RNF149: variants seen among roughly 807,000 people sequenced by gnomAD.
The protein encoded by RNF149 is E3 ubiquitin-protein ligase RNF149.
A neutral mutation model predicts 39.0 loss-of-function variants in RNF149; 21 were observed. The observed-to-expected ratio is 0.54, with a 90% CI of 0.38 to 0.77. The LOEUF (loss-of-function observed/expected upper bound fraction) is 0.77. RNF149 is among the 30% of genes least tolerant of loss of function. The pLI is 0.00. For synonymous variants in RNF149, 209 were observed against 213.6 expected (o/e 0.98, Z 0.19); for missense variants, 493 against 534.9 (o/e 0.92, Z 0.77).
At chr2:101,290,845 T>C (rs1682980195) in intron 3 of RNF149, among the ~76,000 whole-genome samples, 1 of 152,138 alleles carries the variant, frequency 6.6e-6, no homozygotes, top group Non-Finnish European at 1.5e-5. Context: ...TTGGTGGTAA[T>C]CAGCCCTCCC....
intron 1 of RNF149, among the ~76,000 whole-genome samples, chr2:101,307,165 T>C (rs1683697226): frequency 6.6e-6 from 1 of 152,108 alleles, no homozygotes; most frequent in South Asian, 2.1e-4. Context: ...GTAGGAAGGG[T>C]TGCCTGGCAA....
chr2:101,277,954 G>A (rs183004918), intron 6 of RNF149, among the ~76,000 whole-genome samples: 10 of 152,262 alleles, frequency 6.6e-5, no homozygotes, highest in Non-Finnish European at 1.3e-4. Context: ...TTGACCCTAA[G>A]AGGTAGAGAT....
rs115426637 is a variant in RNF149 at position 101,308,552 on chromosome 2, G to A, written c.37C>T (p.Arg13Cys). ...WRRREASVGA[R>C]GVLALALLAL... ...AGCAACGCCAGAGCCAACACGCCGC[G>A]AGCCCCGACGCTGGCTTCGCGCCGC... Residue 13 changes from arginine (R) to cysteine (C), a missense_variant, in exon 1 of 7, where the codon CGC becomes TGC. Arg to Cys is a radical substitution (Grantham distance 180). Transcript: ENST00000295317. The A allele has an allele frequency of 1.0e-3, 1,667 of 1,588,636 alleles. 21 individuals carry two copies. In the African/African-American group the frequency reaches 0.02, roughly 19 times the overall value.
chr2:101,300,191 C>G (rs1683397555), intron 1 of RNF149, among the ~76,000 whole-genome samples: 2 of 152,134 alleles, frequency 1.3e-5, no homozygotes, highest in Admixed American at 6.6e-5. Flanking sequence ...AAAAAGTTTA[C>G]AAAGCAAAGG....
chr2:101,276,797 T>C lies in RNF149; in HGVS notation c.*441A>G. ...AAAAAAAAAACAACAAAAAAAACCTTTCCTCCAGGGAAAGCCCATGAGATC... is the reference window on the plus strand; with the variant it reads ...AAAAAAAAAACAACAAAAAAAACCTCTCCTCCAGGGAAAGCCCATGAGATC... On this transcript the variant is annotated 3_prime_UTR_variant, in exon 7 of 7. Coordinates refer to ENST00000295317, the MANE Select transcript of RNF149 (RefSeq NM_173647.4). 2.0e-6 allele frequency: 2 copies of C among 988,948 alleles called. No individual in the cohort carries two copies. Among genetic ancestry groups the C allele is most frequent in the Non-Finnish European group, 2.4e-6 (2 of 831,878 alleles). The allele number at this position is 988,948 out of a possible 1,614,324, so 61.3% of individuals were successfully genotyped here.
chr2:101,306,597 C>G (rs1573271299), intron 1 of RNF149, among the ~76,000 whole-genome samples: 1 of 152,178 alleles, frequency 6.6e-6, no homozygotes, highest in Non-Finnish European at 1.5e-5. Flanking sequence ...ACTCAGCCTT[C>G]TTGCCTTCTG....
chr2:101,294,091 G>A lies in RNF149; in HGVS notation c.712-9C>T, dbSNP rs778772367. ...GTTTCTTTTCTATGGCTCTTGGGTA[G>A]GAAAATATTAATACAGTTATTGAAA... is the stretch of plus-strand genomic sequence containing the variant. On this transcript the variant is annotated splice_polypyrimidine_tract_variant and intron_variant, in intron 2 of 6. Coordinates refer to ENST00000295317, the MANE Select transcript of RNF149 (RefSeq NM_173647.4). 3.4e-6 allele frequency: 5 copies of A among 1,464,342 alleles called. No individual in the cohort carries two copies. The allele number at this position is 1,464,342 out of a possible 1,614,324, so 90.7% of individuals were successfully genotyped here. A position where few individuals can be genotyped will look rare whatever the true frequency, so the allele number is the denominator to read the frequency against.
Position 101,294,054 on chromosome 2 carries a change from A to G in RNF149, c.740T>C (p.Ile247Thr). 1 of 1,585,906 alleles carries G rather than the reference A, an allele frequency of 6.3e-7. No homozygotes were observed. Among genetic ancestry groups the G allele is most frequent in the South Asian group, 1.1e-5 (1 of 89,874 alleles). Residue 247 changes from isoleucine (I) to threonine (T), a missense_variant, in exon 3 of 7, where the codon ATT becomes ACT. Coordinates refer to ENST00000295317, the MANE Select transcript of RNF149 (RefSeq NM_173647.4). Reference sequence around the variant, plus strand: ...TACAGTATGAAGTAGAAGCTGGCCAATAACTTTCTTAGTTTCTTTTCTATG... The same window carrying G: ...TACAGTATGAAGTAGAAGCTGGCCAGTAACTTTCTTAGTTTCTTTTCTATG... ...QSHRKETKKV[I>T]GQLLLHTVKH...
At chr2:101,284,096 A>G (rs1682700148) in intron 5 of RNF149, among the ~76,000 whole-genome samples, 1 of 152,208 alleles carries the variant, frequency 6.6e-6, no homozygotes, top group Non-Finnish European at 1.5e-5. Flanking sequence ...TTCATTAAGA[A>G]AGCATGTTAT....
chr2:101,281,936 G>A lies in RNF149; in HGVS notation c.1082C>T (p.Ser361Leu). Reference protein sequence around the residue: ...DDGSDDSSPPSASPAESEPQC... With the variant: ...DDGSDDSSPPLASPAESEPQC... The stretch of plus-strand genomic sequence containing the variant: ...TGGCTCAGATTCAGCAGGGGAGGCT[G>A]ATGGTGGACTGCTGTCATCACTTCC... The change falls in exon 6 of 7, where the codon TCA becomes TTA. Residue 361 changes from serine to leucine, a missense_variant. Ser to Leu is a moderately radical substitution (Grantham distance 145). Coordinates refer to ENST00000295317, the MANE Select transcript of RNF149 (RefSeq NM_173647.4). 6.2e-7 allele frequency: 1 copy of A among 1,613,990 alleles called. No individual in the cohort carries two copies. The highest frequency in any genetic ancestry group is 2.2e-5 in the East Asian group (1 of 44,874).
At chr2:101,273,803 TA>T (rs1054592400), downstream of RNF149, among the ~76,000 whole-genome samples, 6 of 152,286 alleles carry the variant, frequency 3.9e-5, no homozygotes, top group African/African-American at 1.4e-4. Context: ...AATTTTCATC[TA>T]AAAAAACTAT....
chr2:101,285,510 T>C (rs887387899), intron 5 of RNF149, among the ~76,000 whole-genome samples: 44 of 152,194 alleles, frequency 2.9e-4, no homozygotes, highest in African/African-American at 9.9e-4. Context: ...TAACAAGGTA[T>C]GGAAGGCATT....
chr2:101,308,248 G>T lies in RNF149; in HGVS notation c.341C>A (p.Ala114Asp). Residue 114 changes from alanine (A) to aspartate (D), a missense_variant, in exon 1 of 7, where the codon GCT (alanine) becomes GAT (aspartate). Ala to Asp is a moderately radical substitution (Grantham distance 126, BLOSUM62 -2). Transcript: ENST00000295317. ...RGAAPWVALV[A>D]RGGCTFKDKV... ...GTCCTTGAAGGTGCAGCCCCCACGA[G>T]CCACCAGGGCGACCCAGGGCGCGGC... The T allele has an allele frequency of 6.3e-7, 1 of 1,595,048 alleles. No individual in the cohort carries two copies.
chr2:101,308,020 G>C (rs555126262), intron 1 of RNF149, 109 bp downstream of exon 1: 221 of 1,484,360 alleles, frequency 1.5e-4, no homozygotes, highest in Middle Eastern at 2.6e-4. Flanking sequence ...AGAGGCCTGA[G>C]AGCCGTGCCA....
Position 101,281,961 on chromosome 2 carries a change from C to T in RNF149, c.1057G>A (p.Gly353Arg), listed in dbSNP as rs534088925. The T allele has an allele frequency of 3.0e-5, 48 of 1,614,034 alleles. No homozygotes were observed. In the South Asian group the frequency reaches 3.5e-4, roughly 12 times the overall value. The change falls in exon 6 of 7, where the codon GGA becomes AGA. Residue 353 changes from glycine (G) to arginine (R), a missense_variant. Gly to Arg is a moderately radical substitution (Grantham distance 125). Coordinates refer to ENST00000295317, the MANE Select transcript of RNF149 (RefSeq NM_173647.4). ...NLSLALPDDD[G>R]SDDSSPPSAS... ...GATGGTGGACTGCTGTCATCACTTC[C>T]GTCATCATCTGGTAAAGCTAGACTC...
At chr2:101,303,227 T>C (rs1239559980) in intron 1 of RNF149, among the ~76,000 whole-genome samples, 1 of 151,680 alleles carries the variant, frequency 6.6e-6, no homozygotes, top group East Asian at 1.9e-4. Flanking sequence ...ACTATTCTCA[T>C]GTCTCAGCCT....
At chr2:101,273,262 C>G (rs779987904), downstream of RNF149, 2 of 561,110 alleles carry the variant, frequency 3.6e-6, no homozygotes, top group African/African-American at 1.9e-5. Context: ...AGCACAGTCA[C>G]GGACACTGCC....
chr2:101,300,581 A>T (rs975723906), intron 1 of RNF149, among the ~76,000 whole-genome samples: 1 of 151,854 alleles, frequency 6.6e-6, no homozygotes, highest in Non-Finnish European at 1.5e-5. Flanking sequence ...GGGAGGCCAA[A>T]GCAGGTGGAT....
intron 3 of RNF149, 76 bp downstream of exon 3, chr2:101,293,938 C>T (rs1683115734): frequency 2.4e-6 from 2 of 821,258 alleles, no homozygotes; most frequent in East Asian, 2.7e-5. Context: ...TCTGCCAATC[C>T]TTCTTTAAAA....
Sources: gnomAD v4.1 joint callset for allele counts (sites outside exome capture counted in the v4.1 genomes callset) on GRCh38, gnomAD v4.1.1 for gene constraint, MANE v1.5 for transcripts, NCBI Gene and HGNC (gene_info 2026-07-23, HGNC 2026-07-21) for gene names.